Variants in RNF220 observed in about 807,000 individuals in gnomAD.
The protein encoded by RNF220 is ring finger protein 220, also known as E3 ubiquitin-protein ligase RNF220.
RNF220 carries 7 observed loss-of-function variants against 67.1 expected under a neutral mutation model. The ratio of observed to expected loss-of-function variants is 0.10; its 90% confidence interval spans 0.06 to 0.20. The LOEUF (loss-of-function observed/expected upper bound fraction) is 0.20, where lower values mean the gene tolerates loss of function less well. Ranked by LOEUF, RNF220 falls within the 10% of genes least tolerant of loss-of-function variation. The probability of loss-of-function intolerance (pLI) is 1.00; values close to 1 mark genes in which losing one functional copy is unlikely to be tolerated. For synonymous variants in RNF220, 270 were observed against 283.2 expected (o/e 0.95, Z 0.47); for missense variants, 565 against 740.3 (o/e 0.76, Z 2.75).
At chr1:44,448,498 A>C (rs998991891) in intron 2 of RNF220, among the ~76,000 whole-genome samples, 14 of 152,212 alleles carry the variant, frequency 9.2e-5, no homozygotes, top group Admixed American at 4.6e-4. Context: ...CTGCTGCTCC[A>C]AGCTGCAACT....
intron 2 of RNF220, among the ~76,000 whole-genome samples, chr1:44,496,086 G>A (rs1177580793): frequency 6.6e-6 from 1 of 152,220 alleles, no homozygotes; most frequent in Admixed American, 6.5e-5. Flanking sequence ...TCAGATCTGG[G>A]TTTTAGAAGG....
intron 1 of RNF220, among the ~76,000 whole-genome samples, chr1:44,411,401 T>G (rs1209724755): frequency 3.3e-5 from 5 of 152,244 alleles, no homozygotes; most frequent in Non-Finnish European, 7.3e-5. Flanking sequence ...TGTGTGTGTG[T>G]GTGTATATGC....
intron 2 of RNF220, among the ~76,000 whole-genome samples, chr1:44,527,754 C>T (rs937676498): frequency 1.3e-5 from 2 of 151,082 alleles, no homozygotes; most frequent in African/African-American, 2.4e-5. Context: ...GGTGAAACCC[C>T]GACTTTACTA....
chr1:44,423,126 A>G (rs12133660), intron 2 of RNF220, among the ~76,000 whole-genome samples: 3,415 of 152,326 alleles, frequency 0.022, 49 homozygotes, highest in Non-Finnish European at 0.033. Flanking sequence ...ATGCCATGAG[A>G]CTTAGAAGTT....
chr1:44,412,047 T>TC lies in RNF220; in HGVS notation c.-48dup. 1.3e-6 allele frequency: 2 copies of TC among 1,565,340 alleles called. No homozygotes were observed. The highest frequency in any genetic ancestry group is 1.7e-6 in the Non-Finnish European group (2 of 1,154,624). ...GACCCAAAGTGCTGGTTGGCCTCCC[T>TC]CCCAGGGAAGACTGCTTCTTGCGTA... On this transcript the variant is annotated 5_prime_UTR_variant, in exon 2 of 15. It removes the in-frame stop codon of an upstream open reading frame in the 5' UTR. Coordinates refer to ENST00000361799, the MANE Select transcript of RNF220 (RefSeq NM_018150.4). The surrounding 1 kb of genome is among the most constrained non-coding windows in gnomAD (Gnocchi z 5.3).
chr1:44,613,077 T>C (rs1643384254), intron 2 of RNF220, among the ~76,000 whole-genome samples: 1 of 149,028 alleles, frequency 6.7e-6, no homozygotes, highest in Admixed American at 6.7e-5. Flanking sequence ...TCTGGATTAA[T>C]AGGGCTCCTC....
intron 2 of RNF220, among the ~76,000 whole-genome samples, chr1:44,531,529 C>A (rs544125497): frequency 8.5e-5 from 13 of 152,318 alleles, no homozygotes; most frequent in South Asian, 2.1e-4. Context: ...AGGCCAAAGT[C>A]TTTTCCTTAT....
chr1:44,428,277 C>T (rs796079284), intron 2 of RNF220, among the ~76,000 whole-genome samples: 95 of 152,240 alleles, frequency 6.2e-4, no homozygotes, highest in African/African-American at 2.2e-3. Flanking sequence ...GCCTGGTCAG[C>T]CAACTCAGAT....
intron 2 of RNF220, among the ~76,000 whole-genome samples, chr1:44,470,609 C>T (rs1248946634): frequency 6.6e-6 from 1 of 152,162 alleles, no homozygotes; most frequent in Non-Finnish European, 1.5e-5. Flanking sequence ...GATCTGATCC[C>T]TCACATTTGT....
Position 44,412,468 on chromosome 1 carries a change from C to T in RNF220, c.371C>T (p.Ala124Val), listed in dbSNP as rs1436464763. The T allele has an allele frequency of 6.2e-7, 1 of 1,611,148 alleles. No homozygotes were observed. Among genetic ancestry groups the T allele is most frequent in the Non-Finnish European group, 8.5e-7 (1 of 1,177,684 alleles). Residue 124 changes from alanine (A) to valine (V), a missense_variant, in exon 2 of 15, where the codon GCC (alanine) becomes GTC (valine). Physicochemically the swap from Ala to Val is moderately conservative, Grantham distance 64. Coordinates refer to ENST00000361799, the MANE Select transcript of RNF220 (RefSeq NM_018150.4). This position sits in a 1 kb window ranked among gnomAD's most constrained non-coding sequence, Gnocchi z 5.3. The part of the protein sequence containing the change: ...HSGVGAFRPF[A>V]STEDRESYQS... ...GGTGTGGGGGCTTTCCGGCCCTTTG[C>T]CTCCACCGAGGACCGGGAGAGCTAT...
chr1:44,620,409 G>A (rs1166648407), intron 3 of RNF220, among the ~76,000 whole-genome samples: 1 of 152,242 alleles, frequency 6.6e-6, no homozygotes, highest in Non-Finnish European at 1.5e-5. Flanking sequence ...GCCAGGTAGA[G>A]CAAGCATGGT....
rs1007094567 is a variant in RNF220 at position 44,609,164 on chromosome 1, A to G, written c.626-5001A>G. ...TTTCCATTGCAGGGGTTGGGGTAGGACACACGTGTGTACACATGAACACAC... is the reference window on the plus strand; with the variant it reads ...TTTCCATTGCAGGGGTTGGGGTAGGGCACACGTGTGTACACATGAACACAC... On this transcript the variant is annotated intron_variant, in intron 2 of 14. Coordinates refer to ENST00000361799, the MANE Select transcript of RNF220 (RefSeq NM_018150.4). Among the ~76,000 whole-genome samples the G allele has an allele frequency of 2.6e-5, 4 of 152,082 alleles. No homozygotes were observed. The East Asian group carries it at 5.8e-4, about 22-fold the overall frequency.
rs72897539 is a variant in RNF220, at chr1:44,559,427, C to G, written c.626-54738C>G. 4.3e-3 allele frequency among the ~76,000 whole-genome samples: 655 copies of G among 152,362 alleles called. 5 individuals are homozygous for G. Among genetic ancestry groups the G allele is most frequent in the African/African-American group, 0.015 (635 of 41,578 alleles). On this transcript the variant is annotated intron_variant, in intron 2 of 14. Transcript: ENST00000361799. ...TGAACAGATAAGTGAAGAGCAAACC[C>G]GCAATGAAGTCAGCACTCTGCTTAT... is the stretch of plus-strand genomic sequence containing the variant.
intron 2 of RNF220, among the ~76,000 whole-genome samples, chr1:44,464,329 A>C (rs1030414884): frequency 3.9e-5 from 6 of 152,242 alleles, no homozygotes; most frequent in African/African-American, 1.2e-4. Context: ...TTGAACCAGC[A>C]GCTGCCAGAG....
At chr1:44,548,181 A>G (rs574563652) in intron 2 of RNF220, among the ~76,000 whole-genome samples, 30 of 152,204 alleles carry the variant, frequency 2.0e-4, no homozygotes, top group Admixed American at 1.6e-3. Flanking sequence ...AGCCCCTGCT[A>G]CTGACTTAGT....
intron 2 of RNF220, among the ~76,000 whole-genome samples, chr1:44,482,934 T>G (rs1237165671): frequency 1.4e-5 from 2 of 143,918 alleles, no homozygotes; most frequent in African/African-American, 5.3e-5. Flanking sequence ...TTTTTTTTTT[T>G]TTTTTTTTTT....
chr1:44,435,008 C>T (rs959801409), intron 2 of RNF220, among the ~76,000 whole-genome samples: 1 of 142,724 alleles, frequency 7.0e-6, no homozygotes, highest in African/African-American at 2.6e-5. Context: ...GCTTGGGCAA[C>T]ACAGCAAGAT....
chr1:44,597,878 G>A (rs1272488473), intron 2 of RNF220, among the ~76,000 whole-genome samples: 1 of 151,754 alleles, frequency 6.6e-6, no homozygotes, highest in Non-Finnish European at 1.5e-5. Context: ...CAGTCTCAAA[G>A]ACAGTTTGGG....
chr1:44,443,049 C>A (rs1557930628), intron 2 of RNF220, among the ~76,000 whole-genome samples: 1 of 152,182 alleles, frequency 6.6e-6, no homozygotes, highest in Non-Finnish European at 1.5e-5. Context: ...AACCATTTCA[C>A]AATTTTGAGA....
Sources: gnomAD v4.1 joint callset for allele counts (sites outside exome capture counted in the v4.1 genomes callset) on GRCh38, gnomAD v4.1.1 for gene constraint, Gnocchi (gnomAD v3.1) non-coding constraint, MANE v1.5 for transcripts, NCBI Gene and HGNC (gene_info 2026-07-23, HGNC 2026-07-21) for gene names.